KPNA4: variants seen among roughly 807,000 people sequenced by gnomAD.
KPNA4 encodes karyopherin subunit alpha 4.
In KPNA4, 13 loss-of-function variants were observed where a neutral mutation model predicts 71.3. The ratio of observed to expected loss-of-function variants is 0.18; its 90% CI spans 0.12 to 0.29. The LOEUF (loss-of-function observed/expected upper bound fraction) is 0.29. Ranked by LOEUF, KPNA4 falls within the 10% of genes least tolerant of loss-of-function variation. The pLI is 1.00. For missense variants in KPNA4, 334 were observed against 603.2 expected (o/e 0.55, Z 4.67); for synonymous variants, 189 against 195.2 (o/e 0.97, Z 0.26).
intron 1 of KPNA4, chr3:160,564,702 T>A (rs1722304575): frequency 6.6e-6 from 1 of 151,320 alleles, no homozygotes; most frequent in South Asian, 2.1e-4. Flanking sequence ...CCAGAAAAAA[T>A]GCCTTTAAGT....
intron 5 of KPNA4, among the ~76,000 whole-genome samples, chr3:160,533,786 T>C (rs1721621935): frequency 3.3e-5 from 5 of 152,226 alleles, no homozygotes; most frequent in Admixed American, 3.3e-4. Flanking sequence ...TGCTCTTGCA[T>C]ACCCATGAAA....
At position 160,502,049 on chromosome 3, in the gene KPNA4, CATATAT is replaced by C; in HGVS notation, c.*49_*54del. The C allele has an allele frequency of 4.1e-6, 2 of 486,548 alleles. No individual in the cohort carries two copies. Among genetic ancestry groups the C allele is most frequent in the South Asian group, 3.3e-5 (1 of 30,668 alleles). The allele number at this position is 486,548 out of a possible 1,614,324, so 30.1% of individuals were successfully genotyped here. ...ATATATATATATATATACACACACACATATATATATATATATCTCAGTGCTGCATTG... is the reference window on the plus strand; with the variant it reads ...ATATATATATATATATACACACACACATATATATATCTCAGTGCTGCATTG... On this transcript the variant is annotated 3_prime_UTR_variant, in exon 17 of 17. Coordinates refer to ENST00000334256, the MANE Select transcript of KPNA4 (RefSeq NM_002268.5).
chr3:160,551,939 TGGG>T (rs56941217), intron 1 of KPNA4, among the ~76,000 whole-genome samples: 7 of 62,164 alleles, frequency 1.1e-4, no homozygotes, highest in African/African-American at 2.1e-4. Context: ...TTGTCACAAC[TGGG>T]GGGGGGGGGG....
Position 160,522,067 on chromosome 3 carries a change from T to C in KPNA4, c.772-157A>G, listed in dbSNP as rs146886378. Reference sequence around the variant, plus strand: ...AATCTGATCGCTACGGTATTAAACATCATCATCTATAAATGTCTGTACTAA... The same window carrying C: ...AATCTGATCGCTACGGTATTAAACACCATCATCTATAAATGTCTGTACTAA... On this transcript the variant is annotated intron_variant, in intron 10 of 16. Transcript: ENST00000334256. Among the ~76,000 whole-genome samples, 680 of 152,382 alleles carry C rather than the reference T, an allele frequency of 4.5e-3. 7 individuals carry two copies. Among genetic ancestry groups the C allele is most frequent in the African/African-American group, 0.016 (657 of 41,592 alleles).
intron 13 of KPNA4, among the ~76,000 whole-genome samples, 171 bp downstream of exon 13, chr3:160,513,906 G>T (rs1721151954): frequency 6.6e-6 from 1 of 151,734 alleles, no homozygotes; most frequent in Admixed American, 6.6e-5. Flanking sequence ...AAAGTTTCTT[G>T]TATATAAAAA....
In KPNA4 at chr3:160,502,090, T is replaced by G; in HGVS notation, c.*14A>C. 7.0e-7 allele frequency: 1 copy of G among 1,436,964 alleles called. No homozygotes were observed. The highest frequency in any genetic ancestry group is 9.7e-7 in the Non-Finnish European group (1 of 1,033,298). The allele number at this position is 1,436,964 out of a possible 1,614,324, so 89.0% of individuals were successfully genotyped here. A position where few individuals can be genotyped will look rare whatever the true frequency, so the allele number is the denominator to read the frequency against. ...TCTCAGTGCTGCATTGTACCTAACT[T>G]CCACAACATCTTTCTAAAACTGGAA... On this transcript the variant is annotated 3_prime_UTR_variant, in exon 17 of 17. Coordinates refer to ENST00000334256, the MANE Select transcript of KPNA4 (RefSeq NM_002268.5).
chr3:160,561,944 T>C (rs749844067), intron 1 of KPNA4, among the ~76,000 whole-genome samples: 1 of 152,132 alleles, frequency 6.6e-6, no homozygotes, highest in Non-Finnish European at 1.5e-5. Context: ...ATGAAGCAGA[T>C]GTCAAGTACC....
At chr3:160,540,298 C>T (rs1179361071) in intron 1 of KPNA4, among the ~76,000 whole-genome samples, 1 of 152,066 alleles carries the variant, frequency 6.6e-6, no homozygotes, top group Non-Finnish European at 1.5e-5. Flanking sequence ...CGCGCCTGAC[C>T]CGAAAGATTT....
chr3:160,560,749 T>C (rs2108562905), intron 1 of KPNA4, among the ~76,000 whole-genome samples: 1 of 152,194 alleles, frequency 6.6e-6, no homozygotes, highest in East Asian at 1.9e-4. Flanking sequence ...ATTCTCAAAC[T>C]GGCTACCTTG....
chr3:160,528,814 C>G (rs1245033839), intron 7 of KPNA4, among the ~76,000 whole-genome samples: 1 of 152,182 alleles, frequency 6.6e-6, no homozygotes, highest in African/African-American at 2.4e-5. Context: ...TGTATCTGAA[C>G]AAAATACTGC....
chr3:160,526,760 G>A lies in KPNA4; in HGVS notation c.557-653C>T, dbSNP rs535892587. Among the ~76,000 whole-genome samples the A allele has an allele frequency of 1.2e-4, 18 of 152,298 alleles. No individual in the cohort carries two copies. In the South Asian group the frequency reaches 3.5e-3, roughly 30 times the overall value. ...AAGCCATGTTGAAATGTTACCATAA[G>A]TGAAAGCACCTTCCCTTGCACTATA... is the stretch of plus-strand genomic sequence containing the variant. On this transcript the variant is annotated intron_variant, in intron 8 of 16. Coordinates refer to ENST00000334256, the MANE Select transcript of KPNA4 (RefSeq NM_002268.5).
At chr3:160,543,273 G>A (rs750669890) in intron 1 of KPNA4, among the ~76,000 whole-genome samples, 6 of 151,984 alleles carry the variant, frequency 3.9e-5, no homozygotes, top group South Asian at 2.1e-4. Context: ...CGACCTTTAC[G>A]GGTATTAATT....
chr3:160,507,361 G>A (rs565795105), intron 15 of KPNA4, among the ~76,000 whole-genome samples: 118 of 152,092 alleles, frequency 7.8e-4, no homozygotes, highest in Non-Finnish European at 1.3e-3. Flanking sequence ...TTAGCTGGGC[G>A]TGGTGGCAGG....
chr3:160,550,654 CTTA>C (rs1209742015), intron 1 of KPNA4, among the ~76,000 whole-genome samples: 1 of 152,122 alleles, frequency 6.6e-6, no homozygotes, highest in Non-Finnish European at 1.5e-5. Flanking sequence ...ATATATGGCC[CTTA>C]TTATGTTGAG....
At chr3:160,523,371 A>G (rs1721395488) in intron 10 of KPNA4, among the ~76,000 whole-genome samples, 1 of 152,206 alleles carries the variant, frequency 6.6e-6, no homozygotes, top group South Asian at 2.1e-4. Context: ...ACTTTAAAAA[A>G]ATCGTAAAAC....
At chr3:160,517,182 C>T (rs937126199) in intron 11 of KPNA4, among the ~76,000 whole-genome samples, 1 of 152,026 alleles carries the variant, frequency 6.6e-6, no homozygotes, top group Non-Finnish European at 1.5e-5. Flanking sequence ...AAGATTTTGG[C>T]TATCTTGGGC....
rs1247068493 is a variant in KPNA4 at position 160,498,074 on chromosome 3, A to C, written c.*4030T>G. On this transcript the variant is annotated 3_prime_UTR_variant, in exon 17 of 17. Transcript: ENST00000334256. The stretch of plus-strand genomic sequence containing the variant: ...GAAGCCCTGGGCAGTATGGGAGTTG[A>C]GATGTGGGCTTTATTTGGCCCTTAG... 6.6e-6 allele frequency: 1 copy of C among 152,146 alleles called. No individual in the cohort carries two copies. The highest frequency in any genetic ancestry group is 2.4e-5 in the African/African-American group (1 of 41,438). 9.4% of individuals were successfully genotyped at this position (152,146 alleles called of 1,614,324 possible).
intron 11 of KPNA4, among the ~76,000 whole-genome samples, chr3:160,519,123 G>C (rs1474080212): frequency 6.6e-6 from 1 of 152,112 alleles, no homozygotes; most frequent in Non-Finnish European, 1.5e-5. Context: ...AAAGCACATG[G>C]GATTTTAATA....
chr3:160,514,969 T>C (rs896599775), intron 12 of KPNA4: 1 of 519,200 alleles, frequency 1.9e-6, no homozygotes, highest in Admixed American at 1.9e-5. Flanking sequence ...CCAGGCTAGT[T>C]AGGTGAGCTG....
Sources: gnomAD v4.1 joint callset for allele counts (sites outside exome capture counted in the v4.1 genomes callset) on GRCh38, gnomAD v4.1.1 for gene constraint, MANE v1.5 for transcripts, NCBI Gene and HGNC (gene_info 2026-07-23, HGNC 2026-07-21) for gene names.